Variants in SPIDR observed in about 807,000 individuals in gnomAD.
SPIDR encodes the protein scaffold protein involved in DNA repair.
A neutral mutation model predicts 104.6 loss-of-function variants in SPIDR; 93 were observed. The observed-to-expected ratio is 0.89, with a 90% CI of 0.75 to 1.06. SPIDR has a LOEUF of 1.06. Ranked by LOEUF, SPIDR falls within the 50% of genes least tolerant of loss-of-function variation. SPIDR has a pLI of 0.00. For missense variants in SPIDR, 1,154 were observed against 1,111.2 expected (o/e 1.04, Z -0.55); for synonymous variants, 431 against 416.9 (o/e 1.03, Z -0.41).
At chr8:47,673,722 A>T (rs2076074781) in intron 10 of SPIDR, 79 bp from the exon 11 acceptor site, 1 of 1,592,550 alleles carries the variant, frequency 6.3e-7, no homozygotes, top group Non-Finnish European at 8.6e-7. Context: ...GTGGCTTTAT[A>T]ATGAAGAAGA....
rs1039791025 is a variant in SPIDR at position 47,640,363 on chromosome 8, C to T, written c.1545-33438C>T. The stretch of plus-strand genomic sequence containing the variant: ...CCCATAGAAGGCGATTGGACTCCTT[C>T]GTACCCACCAAAAGAGTTAGAAAGA... On this transcript the variant is annotated intron_variant, in intron 10 of 19. Transcript: ENST00000297423. Among the ~76,000 whole-genome samples the T allele has an allele frequency of 1.1e-4, 17 of 152,206 alleles. No individual in the cohort carries two copies. The East Asian group carries it at 1.2e-3, about 10-fold the overall frequency.
At chr8:47,269,629 T>G (rs1432348484) in intron 1 of SPIDR, among the ~76,000 whole-genome samples, 1 of 152,046 alleles carries the variant, frequency 6.6e-6, no homozygotes, top group East Asian at 1.9e-4. Context: ...AGAGATGAAT[T>G]TACTACTTCC....
chr8:47,344,798 C>A (rs1587390525), intron 5 of SPIDR, among the ~76,000 whole-genome samples: 1 of 152,160 alleles, frequency 6.6e-6, no homozygotes, highest in African/African-American at 2.4e-5. Flanking sequence ...GTCCTTTGCC[C>A]ACTTTTTGAT....
chr8:47,274,612 C>G (rs1371965557), intron 1 of SPIDR, among the ~76,000 whole-genome samples: 1 of 150,506 alleles, frequency 6.6e-6, no homozygotes, highest in African/African-American at 2.5e-5. Context: ...GAGTCTCGCT[C>G]TATCACCCAT....
At chr8:47,492,171 G>A (rs2078826418) in intron 8 of SPIDR, among the ~76,000 whole-genome samples, 2 of 152,124 alleles carry the variant, frequency 1.3e-5, no homozygotes, top group Non-Finnish European at 2.9e-5. Context: ...AATGGCCCAG[G>A]CTGTTCTCTA....
At chr8:47,271,483 A>G (rs2035311402) in intron 1 of SPIDR, among the ~76,000 whole-genome samples, 1 of 151,952 alleles carries the variant, frequency 6.6e-6, no homozygotes, top group South Asian at 2.1e-4. Context: ...TGCCAGGCCA[A>G]ATCTGCTGTT....
intron 8 of SPIDR, among the ~76,000 whole-genome samples, chr8:47,496,189 C>G: frequency 6.6e-6 from 1 of 151,972 alleles, no homozygotes; most frequent in Non-Finnish European, 1.5e-5. Flanking sequence ...ATTTATTCCC[C>G]CCTTGCCTCA....
chr8:47,706,656 TTC>T (rs761283878), intron 14 of SPIDR, among the ~76,000 whole-genome samples: 1 of 152,202 alleles, frequency 6.6e-6, no homozygotes, highest in Non-Finnish European at 1.5e-5. Context: ...CACTCACATG[TTC>T]TCTGTCATTA....
At chr8:47,724,457 G>A (rs2083903203) in intron 16 of SPIDR, among the ~76,000 whole-genome samples, 1 of 152,196 alleles carries the variant, frequency 6.6e-6, no homozygotes, top group Non-Finnish European at 1.5e-5. Flanking sequence ...CTGCTGTTTG[G>A]CAATAGCAGT....
chr8:47,460,041 G>A (rs2073683096), intron 8 of SPIDR, among the ~76,000 whole-genome samples: 1 of 152,104 alleles, frequency 6.6e-6, no homozygotes, highest in Admixed American at 6.5e-5. Context: ...ATTGTGACTT[G>A]TTTTGTGGCC....
Position 47,284,099 on chromosome 8 carries a change from C to G in SPIDR, c.256+5C>G. On this transcript the variant is annotated splice_donor_5th_base_variant and intron_variant, in intron 3 of 19. Coordinates refer to ENST00000297423, the MANE Select transcript of SPIDR (RefSeq NM_001080394.4). ...TATGCCCTAGACCCAAGCAAGGTAA[C>G]TATTTTGTTGATTTCTTGACAGAGA... is the stretch of plus-strand genomic sequence containing the variant. 5.0e-6 allele frequency: 8 copies of G among 1,603,920 alleles called. No individual in the cohort carries two copies. The highest frequency in any genetic ancestry group is 6.8e-6 in the Non-Finnish European group (8 of 1,174,518).
At chr8:47,498,526 C>A (rs1162696943) in intron 8 of SPIDR, among the ~76,000 whole-genome samples, 1 of 152,120 alleles carries the variant, frequency 6.6e-6, no homozygotes, top group Non-Finnish European at 1.5e-5. Flanking sequence ...GTGTTTATGA[C>A]CTTCCCAGAT....
intron 7 of SPIDR, among the ~76,000 whole-genome samples, chr8:47,421,641 C>T (rs909741557): frequency 3.9e-5 from 6 of 152,216 alleles, no homozygotes; most frequent in Non-Finnish European, 7.3e-5. Flanking sequence ...AGCTTTGTTC[C>T]GTTCCTGGTG....
At chr8:47,391,995 C>CA (rs556134389) in intron 5 of SPIDR, among the ~76,000 whole-genome samples, 5,467 of 45,378 alleles carry the variant, frequency 0.12, 386 homozygotes, top group African/African-American at 0.28. Flanking sequence ...GACTCCGTCT[C>CA]AAAAAAAAAA....
chr8:47,313,677 A>G (rs1554587306), intron 5 of SPIDR, among the ~76,000 whole-genome samples: 1 of 152,248 alleles, frequency 6.6e-6, no homozygotes, highest in Non-Finnish European at 1.5e-5. Context: ...ACAAGGCTAC[A>G]GTAACCAAAA....
At chr8:47,333,476 G>A (rs1239072614) in intron 5 of SPIDR, among the ~76,000 whole-genome samples, 1 of 151,612 alleles carries the variant, frequency 6.6e-6, no homozygotes, top group Non-Finnish European at 1.5e-5. Flanking sequence ...TAATTTTTTT[G>A]TATTTTTAGT....
At chr8:47,502,453 G>A (rs544520500) in intron 8 of SPIDR, among the ~76,000 whole-genome samples, 43 of 152,236 alleles carry the variant, frequency 2.8e-4, no homozygotes, top group Non-Finnish European at 5.0e-4. Context: ...ATTCTCTGAT[G>A]GTAGTTTGTG....
chr8:47,622,413 G>A (rs530222472), intron 10 of SPIDR, among the ~76,000 whole-genome samples: 1 of 152,278 alleles, frequency 6.6e-6, no homozygotes, highest in South Asian at 2.1e-4. Context: ...GCCACAGGAG[G>A]CATAGTCCTC....
At chr8:47,489,025 T>G (rs2078197548) in intron 8 of SPIDR, among the ~76,000 whole-genome samples, 2 of 152,092 alleles carry the variant, frequency 1.3e-5, no homozygotes, top group South Asian at 2.1e-4. Context: ...GAGAAAGAAA[T>G]AAAGGGTATT....
Sources: gnomAD v4.1 joint callset for allele counts (sites outside exome capture counted in the v4.1 genomes callset) on GRCh38, gnomAD v4.1.1 for gene constraint, MANE v1.5 for transcripts, NCBI Gene and HGNC (gene_info 2026-07-23, HGNC 2026-07-21) for gene names.